Variants in NEDD4L observed in about 807,000 individuals in gnomAD.
The protein encoded by NEDD4L is NEDD4 like E3 ubiquitin protein ligase, also known as E3 ubiquitin-protein ligase NEDD4-like.
NEDD4L carries 54 observed loss-of-function variants against 148.9 expected under a neutral mutation model. The ratio of observed to expected loss-of-function variants is 0.36; its 90% CI spans 0.29 to 0.45. The LOEUF (loss-of-function observed/expected upper bound fraction) is 0.45. NEDD4L is among the 20% of genes least tolerant of loss of function. NEDD4L has a pLI of 1.00. For synonymous variants in NEDD4L, 433 were observed against 440.7 expected (o/e 0.98, Z 0.22); for missense variants, 856 against 1,233.8 (o/e 0.69, Z 4.59).
In NEDD4L at chr18:58,205,875, G is replaced by A. The variant is rs57363312; in HGVS notation, c.123-39552G>A. 4.6e-3 allele frequency among the ~76,000 whole-genome samples: 696 copies of A among 152,122 alleles called. 5 individuals are homozygous for A. The highest frequency in any genetic ancestry group is 0.016 in the African/African-American group (657 of 41,510). Reference sequence around the variant, plus strand: ...TGTCTGGGTTGTCTGTATATGTTCTGATGTTTGTTTTCCTCTGTGCTGTTC... The same window carrying A: ...TGTCTGGGTTGTCTGTATATGTTCTAATGTTTGTTTTCCTCTGTGCTGTTC... On this transcript the variant is annotated intron_variant, in intron 2 of 30. Coordinates refer to ENST00000400345, the MANE Select transcript of NEDD4L (RefSeq NM_001144967.3).
intron 1 of NEDD4L, among the ~76,000 whole-genome samples, chr18:58,104,336 C>A (rs184161592): frequency 2.0e-5 from 3 of 152,212 alleles, no homozygotes; most frequent in African/African-American, 7.2e-5. Flanking sequence ...GGGGCTGGGG[C>A]GCGGTAGGGA....
At chr18:58,107,782 C>T (rs938741683) in intron 1 of NEDD4L, among the ~76,000 whole-genome samples, 4 of 151,620 alleles carry the variant, frequency 2.6e-5, no homozygotes, top group Admixed American at 6.6e-5. Flanking sequence ...GGACTTTTTT[C>T]CTCCCCTGCA....
chr18:58,127,840 CAAAA>C (rs113559692), intron 1 of NEDD4L, among the ~76,000 whole-genome samples: 1 of 114,130 alleles, frequency 8.8e-6, no homozygotes, highest in Non-Finnish European at 1.7e-5. Flanking sequence ...GACTCCGTCT[CAAAA>C]AAAAAAAAAA....
intron 2 of NEDD4L, among the ~76,000 whole-genome samples, chr18:58,226,603 G>A (rs1440691054): frequency 6.6e-6 from 1 of 152,208 alleles, no homozygotes; most frequent in Non-Finnish European, 1.5e-5. Context: ...AGCTTCTCAA[G>A]TGAGCAGGGG....
At chr18:58,351,635 A>G (rs1396818437) in intron 18 of NEDD4L, among the ~76,000 whole-genome samples, 1 of 152,126 alleles carries the variant, frequency 6.6e-6, no homozygotes, top group African/African-American at 2.4e-5. Flanking sequence ...AACTAATAAA[A>G]GTTTGCTTTT....
intron 5 of NEDD4L, among the ~76,000 whole-genome samples, chr18:58,304,173 T>C (rs2056810321): frequency 6.6e-6 from 1 of 151,982 alleles, no homozygotes; most frequent in African/African-American, 2.4e-5. Flanking sequence ...ACGGAAAGAA[T>C]TATCTAGCTC....
intron 2 of NEDD4L, among the ~76,000 whole-genome samples, chr18:58,224,132 G>T (rs920694831): frequency 6.6e-6 from 1 of 152,206 alleles, no homozygotes; most frequent in Non-Finnish European, 1.5e-5. Flanking sequence ...AAAACGCACC[G>T]CTTTCAGTGA....
At chr18:58,165,228 T>G (rs971238499) in intron 1 of NEDD4L, among the ~76,000 whole-genome samples, 1 of 152,246 alleles carries the variant, frequency 6.6e-6, no homozygotes. Flanking sequence ...AACAGTTGAT[T>G]GATTTCCAAG....
intron 1 of NEDD4L, among the ~76,000 whole-genome samples, chr18:58,082,102 A>ATATATATATTTT: frequency 2.9e-4 from 14 of 48,828 alleles, no homozygotes; most frequent in African/African-American, 6.4e-4. Context: ...ATATATATAT[A>ATATATATATTTT]TTTTTTTTTT....
intron 1 of NEDD4L, among the ~76,000 whole-genome samples, chr18:58,111,293 C>T (rs1366897785): frequency 6.6e-6 from 1 of 152,108 alleles, no homozygotes; most frequent in East Asian, 1.9e-4. Flanking sequence ...GTCTTGAACT[C>T]CTGACCTCAG....
chr18:58,231,429 A>G (rs552471060), intron 2 of NEDD4L, among the ~76,000 whole-genome samples: 1 of 152,130 alleles, frequency 6.6e-6, no homozygotes, highest in Admixed American at 6.5e-5. Context: ...TGGAAGAATC[A>G]AAGATTTCCA....
intron 2 of NEDD4L, among the ~76,000 whole-genome samples, chr18:58,218,851 T>C (rs1300795175): frequency 1.1e-4 from 16 of 152,164 alleles, no homozygotes; most frequent in Non-Finnish European, 8.8e-5. Context: ...CAGTTTTCAT[T>C]TTGGGACACT....
At position 58,287,337 on chromosome 18, in the gene NEDD4L, G is replaced by C. The variant is rs116012490; in HGVS notation, c.298-28645G>C. Among the ~76,000 whole-genome samples, 366 of 152,232 alleles carry C rather than the reference G, an allele frequency of 2.4e-3. 1 individual carries two copies. The highest frequency in any genetic ancestry group is 8.3e-3 in the African/African-American group (345 of 41,532). ...GACAGCATGTTGTTCAATAATTGTA[G>C]TTTAAAAAGTATATGTAAGATACAT... On this transcript the variant is annotated intron_variant, in intron 5 of 30. Transcript: ENST00000400345.
chr18:58,326,164 T>G (rs965630593), intron 9 of NEDD4L, among the ~76,000 whole-genome samples: 1 of 152,134 alleles, frequency 6.6e-6, no homozygotes, highest in African/African-American at 2.4e-5. Context: ...CATATGACTG[T>G]GGGTGGGGAG....
chr18:58,246,816 T>C (rs1281797761), intron 3 of NEDD4L, among the ~76,000 whole-genome samples: 1 of 152,056 alleles, frequency 6.6e-6, no homozygotes, highest in Non-Finnish European at 1.5e-5. Context: ...ACATATGTAA[T>C]ATATATATAT....
chr18:58,285,720 T>G (rs1159460980), intron 5 of NEDD4L, among the ~76,000 whole-genome samples: 1 of 152,212 alleles, frequency 6.6e-6, no homozygotes, highest in African/African-American at 2.4e-5. Flanking sequence ...TATTGAAACC[T>G]GTTCTTTTTT....
intron 1 of NEDD4L, among the ~76,000 whole-genome samples, chr18:58,129,043 A>T (rs1046886606): frequency 6.6e-6 from 1 of 152,222 alleles, no homozygotes; most frequent in African/African-American, 2.4e-5. Context: ...CAAAATGGAA[A>T]TCCAGATCAC....
chr18:58,278,926 C>T (rs1002788768), intron 5 of NEDD4L, among the ~76,000 whole-genome samples: 1 of 152,144 alleles, frequency 6.6e-6, no homozygotes, highest in African/African-American at 2.4e-5. Flanking sequence ...GGCTGGAGTG[C>T]AGTGGTGCAG....
chr18:58,167,130 G>T (rs1020592891), intron 2 of NEDD4L, among the ~76,000 whole-genome samples: 2 of 152,212 alleles, frequency 1.3e-5, no homozygotes, highest in African/African-American at 4.8e-5. Flanking sequence ...GGAGGCTTAG[G>T]ACTCTGAATG....
Sources: gnomAD v4.1 joint callset for allele counts (sites outside exome capture counted in the v4.1 genomes callset) on GRCh38, gnomAD v4.1.1 for gene constraint, MANE v1.5 for transcripts, NCBI Gene and HGNC (gene_info 2026-07-23, HGNC 2026-07-21) for gene names.